Variants in CACNA2D3 observed in about 807,000 individuals in gnomAD.
CACNA2D3 encodes voltage-dependent calcium channel subunit alpha-2/delta-3.
CACNA2D3 carries 60 observed loss-of-function variants against 160.6 expected under a neutral mutation model. That is an observed-to-expected ratio of 0.37 (90% CI 0.30 to 0.46). The LOEUF (loss-of-function observed/expected upper bound fraction) is 0.46, where lower values mean the gene tolerates loss of function less well. Among genes scored for constraint, CACNA2D3 ranks in the 20% least tolerant of loss-of-function variants. The pLI, the probability that CACNA2D3 is intolerant of heterozygous loss-of-function variation, is 1.00. For synonymous variants in CACNA2D3, 558 were observed against 492.9 expected (o/e 1.13, Z -1.75); for missense variants, 1,205 against 1,365.0 (o/e 0.88, Z 1.85).
chr3:54,471,282 A>G (rs1700727186), intron 4 of CACNA2D3, among the ~76,000 whole-genome samples: 1 of 152,246 alleles, frequency 6.6e-6, no homozygotes, highest in Non-Finnish European at 1.5e-5. Flanking sequence ...GAAACTGAAT[A>G]ACCTGCTCCT....
intron 2 of CACNA2D3, among the ~76,000 whole-genome samples, chr3:54,159,077 T>C (rs1433300258): frequency 6.6e-6 from 1 of 152,238 alleles, no homozygotes; most frequent in East Asian, 1.9e-4. Context: ...TAAATCATCC[T>C]TTTGAATCAA....
intron 11 of CACNA2D3, among the ~76,000 whole-genome samples, chr3:54,748,432 A>G (rs937636798): frequency 6.6e-6 from 1 of 152,196 alleles, no homozygotes; most frequent in Non-Finnish European, 1.5e-5. Context: ...TTTTATACTA[A>G]GTAGATTAAG....
chr3:54,137,588 C>G (rs1699837747), intron 2 of CACNA2D3, among the ~76,000 whole-genome samples: 1 of 152,190 alleles, frequency 6.6e-6, no homozygotes, highest in African/African-American at 2.4e-5. Flanking sequence ...ACTTCTTAAA[C>G]CGTGGCTTAC....
At chr3:54,879,473 C>A in intron 20 of CACNA2D3, 62 bp downstream of exon 20, 1 of 1,175,810 alleles carries the variant, frequency 8.5e-7, no homozygotes, top group South Asian at 1.3e-5. Flanking sequence ...TGTACAAAAC[C>A]TGCTGACACT....
At chr3:54,276,239 A>G (rs1019186693) in intron 2 of CACNA2D3, among the ~76,000 whole-genome samples, 2 of 151,992 alleles carry the variant, frequency 1.3e-5, no homozygotes, top group Non-Finnish European at 2.9e-5. Context: ...AAAGATGAAG[A>G]TGGGATGAGA....
chr3:54,571,612 AGTGTGTGTGTGTGTGTGTGTGT>A (rs58652360), intron 8 of CACNA2D3, among the ~76,000 whole-genome samples: 67 of 136,310 alleles, frequency 4.9e-4, no homozygotes, highest in African/African-American at 1.7e-3. Flanking sequence ...CACTTAACCA[AGTGTGTGTGTGTGTGTGTGTGT>A]GTGTGTGTGT....
rs373753948 is a variant in CACNA2D3, at chr3:54,882,811, T to G, written c.1912+1948T>G. Among the ~76,000 whole-genome samples the G allele has an allele frequency of 3.3e-4, 51 of 152,336 alleles. No individual in the cohort carries two copies. In the South Asian group the frequency reaches 0.011, roughly 32 times the overall value. The stretch of plus-strand genomic sequence containing the variant: ...AGTTCCTTGGGGTTGGCAACCATAC[T>G]TCTATAGGATCTTCAATAAGGAATA... On this transcript the variant is annotated intron_variant, in intron 21 of 37. Transcript: ENST00000474759.
chr3:54,453,076 C>T (rs1210089178), intron 4 of CACNA2D3, among the ~76,000 whole-genome samples: 1 of 152,128 alleles, frequency 6.6e-6, no homozygotes, highest in Non-Finnish European at 1.5e-5. Flanking sequence ...TCTGTAGCCT[C>T]AGCCTCCTGG....
chr3:54,724,032 G>A (rs1349765851), intron 11 of CACNA2D3, among the ~76,000 whole-genome samples: 14 of 152,080 alleles, frequency 9.2e-5, no homozygotes, highest in Admixed American at 9.2e-4. Context: ...CCCATCTCAC[G>A]TGCAGACACA....
chr3:54,476,119 G>A (rs1258172198), intron 4 of CACNA2D3, among the ~76,000 whole-genome samples: 1 of 146,604 alleles, frequency 6.8e-6, no homozygotes. Context: ...CCTGGCTTGT[G>A]AAACTTAGCA....
intron 2 of CACNA2D3, among the ~76,000 whole-genome samples, chr3:54,228,068 A>C (rs73087962): frequency 0.029 from 4,412 of 152,176 alleles, 180 homozygotes; most frequent in East Asian, 0.21. Context: ...TTCAATTTAA[A>C]GTTTATGTGT....
intron 6 of CACNA2D3, among the ~76,000 whole-genome samples, chr3:54,563,628 T>A (rs539262119): frequency 6.6e-6 from 1 of 152,326 alleles, no homozygotes; most frequent in East Asian, 1.9e-4. Context: ...TTAATTTTGC[T>A]TACAAGTTGT....
chr3:54,511,459 GGTT>G (rs758643994), intron 5 of CACNA2D3, among the ~76,000 whole-genome samples: 23 of 151,996 alleles, frequency 1.5e-4, no homozygotes, highest in Non-Finnish European at 3.2e-4. Context: ...CATCACAAAT[GGTT>G]GTTGTTTTAT....
At chr3:54,641,722 A>G (rs1415554342) in intron 10 of CACNA2D3, among the ~76,000 whole-genome samples, 3 of 152,202 alleles carry the variant, frequency 2.0e-5, no homozygotes, top group African/African-American at 7.2e-5. Flanking sequence ...TGCTACAAAG[A>G]GTCTGTTTTG....
At chr3:54,912,693 T>C (rs1165793931) in intron 27 of CACNA2D3, among the ~76,000 whole-genome samples, 1 of 152,192 alleles carries the variant, frequency 6.6e-6, no homozygotes, top group East Asian at 1.9e-4. Context: ...TTCTCTCCTC[T>C]TCACATCTGC....
intron 11 of CACNA2D3, among the ~76,000 whole-genome samples, chr3:54,649,788 A>G (rs564538865): frequency 1.3e-5 from 2 of 152,346 alleles, no homozygotes; most frequent in African/African-American, 4.8e-5. Flanking sequence ...TAGGATTTCA[A>G]CATAAGAATC....
chr3:54,253,501 G>A (rs899710030), intron 2 of CACNA2D3, among the ~76,000 whole-genome samples: 2 of 152,082 alleles, frequency 1.3e-5, no homozygotes, highest in Non-Finnish European at 2.9e-5. Flanking sequence ...ACTCACTATT[G>A]CGAGAACACC....
intron 10 of CACNA2D3, chr3:54,632,752 GT>G (rs1559533047): frequency 2.0e-5 from 3 of 152,178 alleles, no homozygotes; most frequent in African/African-American, 7.2e-5. Context: ...GTCTTAGGGT[GT>G]AAATTGTCCT....
intron 2 of CACNA2D3, among the ~76,000 whole-genome samples, chr3:54,148,890 T>A (rs751891576): frequency 6.8e-6 from 1 of 148,024 alleles, no homozygotes; most frequent in Non-Finnish European, 1.5e-5. Flanking sequence ...GGCAGGAAGA[T>A]CACTTGAACC....
Sources: gnomAD v4.1 joint callset for allele counts (sites outside exome capture counted in the v4.1 genomes callset) on GRCh38, gnomAD v4.1.1 for gene constraint, MANE v1.5 for transcripts, NCBI Gene and HGNC (gene_info 2026-07-23, HGNC 2026-07-21) for gene names.